NFKBIZ: variants seen among roughly 807,000 people sequenced by gnomAD.
NFKBIZ encodes the protein NF-kappa-B inhibitor zeta.
A neutral mutation model predicts 76.8 loss-of-function variants in NFKBIZ; 19 were observed. The observed-to-expected ratio is 0.25, with a 90% CI of 0.17 to 0.36. NFKBIZ has a LOEUF of 0.36. Ranked by LOEUF, NFKBIZ falls within the 10% of genes least tolerant of loss-of-function variation. NFKBIZ has a pLI of 1.00. For synonymous variants in NFKBIZ, 368 were observed against 354.8 expected (o/e 1.04, Z -0.42); for missense variants, 829 against 910.9 (o/e 0.91, Z 1.16).
At chr3:101,855,995 CT>C (rs894272297) in intron 9 of NFKBIZ, 93 bp downstream of exon 9, 8 of 1,200,202 alleles carry the variant, frequency 6.7e-6, no homozygotes, top group South Asian at 1.7e-5. Flanking sequence ...AAACTTCTTT[CT>C]TTTTTTTCTG....
intron 5 of NFKBIZ, 90 bp from the exon 6 acceptor site, chr3:101,854,488 G>A: frequency 1.3e-6 from 1 of 765,254 alleles, no homozygotes; most frequent in Non-Finnish European, 2.2e-6. Flanking sequence ...TATAAAAAGG[G>A]GGCTAAAGGA....
intron 2 of NFKBIZ, among the ~76,000 whole-genome samples, chr3:101,837,998 A>C (rs1047606962): frequency 5.9e-5 from 9 of 152,196 alleles, no homozygotes; most frequent in Non-Finnish European, 1.3e-4. Context: ...CAGTTATGAT[A>C]TTTTTATAAT....
intron 1 of NFKBIZ, 48 bp downstream of exon 1, chr3:101,849,965 G>T (rs1380864498): frequency 7.4e-7 from 1 of 1,342,582 alleles, no homozygotes; most frequent in Non-Finnish European, 9.5e-7. Flanking sequence ...CGCACGCCTA[G>T]GAGGTTGGGA....
At position 101,853,085 on chromosome 3, in the gene NFKBIZ, T is replaced by C. The variant is rs1347045948; in HGVS notation, c.565-6T>C. On this transcript the variant is annotated splice_region_variant and splice_polypyrimidine_tract_variant and intron_variant, in intron 4 of 11. Coordinates refer to ENST00000326172, the MANE Select transcript of NFKBIZ (RefSeq NM_031419.4). ...AGTGTGCAAGTTGCATTTTCCTTCT[T>C]TCCAGACACCACCTCAAACACCAAC... is the stretch of plus-strand genomic sequence containing the variant. 5 of 1,612,462 alleles carry C rather than the reference T, an allele frequency of 3.1e-6. No homozygotes were observed. The highest frequency in any genetic ancestry group is 3.4e-6 in the Non-Finnish European group (4 of 1,178,598).
Position 101,859,916 on chromosome 3 carries a change from TA to T in NFKBIZ, c.*546del, listed in dbSNP as rs1415510771. 6.6e-6 allele frequency: 1 copy of T among 152,424 alleles called. No individual in the cohort carries two copies. The highest frequency in any genetic ancestry group is 2.4e-5 in the African/African-American group (1 of 41,462). The allele number at this position is 152,424 out of a possible 1,614,324, so 9.4% of individuals were successfully genotyped here. ...TAATTGTTATTTTTGTCCTTAAAAATATTGTACATACTTGGTTGTTAACATG... is the reference window on the plus strand; with the variant it reads ...TAATTGTTATTTTTGTCCTTAAAAATTTGTACATACTTGGTTGTTAACATG... On this transcript the variant is annotated 3_prime_UTR_variant, in exon 12 of 12. Coordinates refer to ENST00000326172, the MANE Select transcript of NFKBIZ (RefSeq NM_031419.4).
intron 2 of NFKBIZ, among the ~76,000 whole-genome samples, chr3:101,835,765 T>C (rs1285938493): frequency 2.6e-5 from 4 of 152,166 alleles, no homozygotes; most frequent in Admixed American, 2.6e-4. Flanking sequence ...AACATGTGAA[T>C]TTTGGGGGGA....
At chr3:101,834,893 T>G (rs1006352490) in intron 2 of NFKBIZ, among the ~76,000 whole-genome samples, 8 of 152,184 alleles carry the variant, frequency 5.3e-5, no homozygotes, top group South Asian at 4.1e-4. Flanking sequence ...TGCTGTCCAT[T>G]GTTTGCAGGC....
Position 101,853,428 on chromosome 3 carries a change from A to T in NFKBIZ, c.902A>T (p.His301Leu). Residue 301 changes from histidine (H) to leucine (L), a missense_variant, in exon 5 of 12, where the codon CAC (histidine) becomes CTC (leucine). This residue lies in a region of NFKBIZ where 371 missense variants were observed against 332.3 expected (regional missense o/e 1.12). Coordinates refer to ENST00000326172, the MANE Select transcript of NFKBIZ (RefSeq NM_031419.4). Reference protein sequence around the residue: ...PQNQHVEQQPHYTHKPTLEYS... With the variant: ...PQNQHVEQQPLYTHKPTLEYS... ...AACCAGCATGTAGAGCAGCAGCCAC[A>T]CTACACCCACAAACCAACTCTGGAA... The T allele has an allele frequency of 6.2e-7, 1 of 1,614,112 alleles. No individual in the cohort carries two copies. Among genetic ancestry groups the T allele is most frequent in the Middle Eastern group, 1.6e-4 (1 of 6,062 alleles).
chr3:101,853,360 A>G lies in NFKBIZ; in HGVS notation c.834A>G (p.Gln278=), dbSNP rs1321921963. ...KCQPFQVRGS[Q]QMIDQASLYQ... is the part of the protein sequence containing the mutation. ...AACCATTCCAAGTCAGGGGCTCCCAACAAATGATAGACCAGGCTTCCCTGT... is the reference window on the plus strand; with the variant it reads ...AACCATTCCAAGTCAGGGGCTCCCAGCAAATGATAGACCAGGCTTCCCTGT... Residue 278 remains glutamine (Q), a synonymous_variant, in exon 5 of 12, where the codon CAA becomes CAG. Coordinates refer to ENST00000326172, the MANE Select transcript of NFKBIZ (RefSeq NM_031419.4). The G allele has an allele frequency of 8.1e-6, 13 of 1,614,010 alleles. No homozygotes were observed. The highest frequency in any genetic ancestry group is 6.7e-5 in the East Asian group (3 of 44,896).
intron 10 of NFKBIZ, 33 bp from the exon 11 acceptor site, chr3:101,857,259 C>T (rs776452588): frequency 1.9e-6 from 3 of 1,613,282 alleles, no homozygotes; most frequent in Non-Finnish European, 2.5e-6. Context: ...TTCCCCCTTC[C>T]TGATGTCTGA....
At chr3:101,854,407 CT>C (rs1292955707) in intron 5 of NFKBIZ, among the ~76,000 whole-genome samples, 170 bp from the exon 6 acceptor site, 1 of 151,942 alleles carries the variant, frequency 6.6e-6, no homozygotes, top group Admixed American at 6.6e-5. Flanking sequence ...CCTGTTCCAA[CT>C]GGGGTGTATT....
intron 2 of NFKBIZ, among the ~76,000 whole-genome samples, chr3:101,833,555 T>C (rs777027422): frequency 6.6e-6 from 1 of 152,184 alleles, no homozygotes; most frequent in African/African-American, 2.4e-5. Context: ...TGCGTTTAAT[T>C]TGAGGTGGAA....
chr3:101,839,453 C>T (rs1942761716), intron 2 of NFKBIZ, among the ~76,000 whole-genome samples: 1 of 152,102 alleles, frequency 6.6e-6, no homozygotes, highest in South Asian at 2.1e-4. Context: ...TTCTAATCAA[C>T]ATGTTTATGA....
At position 101,859,986 on chromosome 3, in the gene NFKBIZ, G is replaced by A. The variant is rs1259062580; in HGVS notation, c.*615G>A. Reference sequence around the variant, plus strand: ...AAGTCCATAAAATAGAAAAGAACAAGTGAATTGTTGCTATTTAAAAAAATT... The same window carrying A: ...AAGTCCATAAAATAGAAAAGAACAAATGAATTGTTGCTATTTAAAAAAATT... On this transcript the variant is annotated 3_prime_UTR_variant, in exon 12 of 12. Transcript: ENST00000326172. The A allele has an allele frequency of 6.6e-6, 1 of 152,176 alleles. No individual in the cohort carries two copies. Among genetic ancestry groups the A allele is most frequent in the African/African-American group, 2.4e-5 (1 of 41,434 alleles). 9.4% of individuals were successfully genotyped at this position (152,176 alleles called of 1,614,324 possible).
At chr3:101,850,815 A>G (rs776234089) in intron 1 of NFKBIZ, among the ~76,000 whole-genome samples, 5 of 152,252 alleles carry the variant, frequency 3.3e-5, no homozygotes, top group Non-Finnish European at 7.3e-5. Flanking sequence ...ATTTAAAATC[A>G]TGCGAAAAGC....
chr3:101,837,838 G>C (rs910365925), intron 2 of NFKBIZ, among the ~76,000 whole-genome samples: 1 of 152,186 alleles, frequency 6.6e-6, no homozygotes, highest in African/African-American at 2.4e-5. Flanking sequence ...TCCAGAATCA[G>C]ATTAGGAGAT....
chr3:101,849,509 CGCCCGTACTGGCCCGCGCCGT>C (rs1186634800), exon 1 of NFKBIZ: 2 of 863,756 alleles, frequency 2.3e-6, no homozygotes, highest in African/African-American at 3.6e-5. Flanking sequence ...TCCCGCGCCG[CGCCCGTACTGGCCCGCGCCGT>C]CCGCCCGCCG....
Position 101,853,080 on chromosome 3 carries a change from C to G in NFKBIZ, c.565-11C>G. Reference sequence around the variant, plus strand: ...AAGTGAGTGTGCAAGTTGCATTTTCCTTCTTTCCAGACACCACCTCAAACA... The same window carrying G: ...AAGTGAGTGTGCAAGTTGCATTTTCGTTCTTTCCAGACACCACCTCAAACA... On this transcript the variant is annotated splice_polypyrimidine_tract_variant and intron_variant, in intron 4 of 11. Transcript: ENST00000326172. 1 of 1,611,900 alleles carries G rather than the reference C, an allele frequency of 6.2e-7. No homozygotes were observed. The highest frequency in any genetic ancestry group is 8.5e-7 in the Non-Finnish European group (1 of 1,178,282).
chr3:101,831,043 A>G (rs1942640665), intron 2 of NFKBIZ, among the ~76,000 whole-genome samples: 1 of 152,200 alleles, frequency 6.6e-6, no homozygotes, highest in Non-Finnish European at 1.5e-5. Context: ...AGGCACTTTT[A>G]ATATTGGTAG....
Sources: gnomAD v4.1 joint callset for allele counts (sites outside exome capture counted in the v4.1 genomes callset) on GRCh38, gnomAD v4.1.1 for gene constraint, gnomAD v4.1.1 regional missense constraint, MANE v1.5 for transcripts, NCBI Gene and HGNC (gene_info 2026-07-23, HGNC 2026-07-21) for gene names.